Variants in PCDHA2 observed in about 807,000 individuals in gnomAD.
PCDHA2 encodes protocadherin alpha 2.
PCDHA2 carries 58 observed loss-of-function variants against 66.0 expected under a neutral mutation model. That is an observed-to-expected ratio of 0.88 (90% CI 0.71 to 1.09). The LOEUF (loss-of-function observed/expected upper bound fraction) is 1.09, where lower values mean the gene tolerates loss of function less well. Ranked by LOEUF, PCDHA2 falls within the 50% of genes least tolerant of loss-of-function variation. The pLI is 0.00. For missense variants in PCDHA2, 1,267 were observed against 1,242.3 expected, an observed-to-expected ratio of 1.02 and a Z score of -0.30; for synonymous variants, 634 against 554.0, an observed-to-expected ratio of 1.14 and a Z score of -2.03.
intron 1 of PCDHA2, chr5:140,863,494 C>A (rs1203332871): frequency 2.3e-5 from 10 of 442,506 alleles, no homozygotes; most frequent in African/African-American, 1.6e-4. Context: ...GTCAACATTA[C>A]GGCTTTTAGT....
chr5:140,969,283 T>A, intron 1 of PCDHA2: 61 of 1,614,200 alleles, frequency 3.8e-5, no homozygotes, highest in Non-Finnish European at 5.2e-5. Flanking sequence ...GTGGTCAGAA[T>A]GCTGGGAACC....
rs782513202 is a variant in PCDHA2, at chr5:140,796,210, G to T, written c.1246G>T (p.Glu416Ter). The T allele has an allele frequency of 3.7e-6, 6 of 1,614,190 alleles. No homozygotes were observed. The highest frequency in any genetic ancestry group is 5.1e-6 in the Non-Finnish European group (6 of 1,180,046). ...SLVLDSALDR[E>*]SVSAYELVVT... ...GGTGCTGGACAGCGCCCTGGACCGC[G>T]AGAGCGTGTCAGCCTATGAGCTGGT... is the stretch of plus-strand genomic sequence containing the variant. Residue 416 changes from glutamate to a stop codon, truncating the protein, a stop_gained, in exon 1 of 4, where the codon GAG becomes TAG. Coordinates refer to ENST00000526136, the MANE Select transcript of PCDHA2 (RefSeq NM_018905.3). LOFTEE classifies it high-confidence loss of function.
At chr5:140,880,748 G>T (rs950550579) in intron 1 of PCDHA2, among the ~76,000 whole-genome samples, 10 of 152,220 alleles carry the variant, frequency 6.6e-5, no homozygotes, top group Non-Finnish European at 1.2e-4. Flanking sequence ...GATTGTCAGT[G>T]TAACTGCGTG....
At chr5:140,840,242 T>C (rs113669357) in intron 1 of PCDHA2, among the ~76,000 whole-genome samples, 1 of 152,052 alleles carries the variant, frequency 6.6e-6, no homozygotes, top group Non-Finnish European at 1.5e-5. Flanking sequence ...AGAATCACTA[T>C]GCTATAAAAA....
intron 1 of PCDHA2, among the ~76,000 whole-genome samples, chr5:140,910,829 C>G (rs938702955): frequency 6.6e-6 from 1 of 152,184 alleles, no homozygotes; most frequent in Non-Finnish European, 1.5e-5. Flanking sequence ...TAAATTCAGC[C>G]TGATCCAATG....
At chr5:140,850,528 C>T (rs1228882569) in intron 1 of PCDHA2, 1 of 1,598,306 alleles carries the variant, frequency 6.3e-7, no homozygotes, top group African/African-American at 1.3e-5. Context: ...GCGCCAAAGT[C>T]ATCGTCGCGG....
chr5:140,836,726 C>T (rs1326875671), intron 1 of PCDHA2: 9 of 1,610,652 alleles, frequency 5.6e-6, no homozygotes, highest in African/African-American at 2.7e-5. Flanking sequence ...AGGGTCCATC[C>T]TCTACAGACA....
At chr5:140,847,142 A>C (rs1780872222) in intron 1 of PCDHA2, among the ~76,000 whole-genome samples, 1 of 149,820 alleles carries the variant, frequency 6.7e-6, no homozygotes, top group South Asian at 2.1e-4. Flanking sequence ...CAATGTAAGA[A>C]GATCTCTTGA....
intron 1 of PCDHA2, among the ~76,000 whole-genome samples, chr5:140,915,921 T>C (rs2077370703): frequency 6.6e-6 from 1 of 152,286 alleles, no homozygotes; most frequent in African/African-American, 2.4e-5. Context: ...GAGATGCTAC[T>C]TGGGAGTCAG....
chr5:140,848,406 G>C, intron 1 of PCDHA2: 2 of 1,338,990 alleles, frequency 1.5e-6, no homozygotes, highest in Admixed American at 4.3e-5. Context: ...GAACGATGGC[G>C]AACACAGCAG....
In PCDHA2 at chr5:140,808,691, C is replaced by T. The variant is rs140993559; in HGVS notation, c.2388+11339C>T. On this transcript the variant is annotated intron_variant, in intron 1 of 3. Transcript: ENST00000526136. Reference sequence around the variant, plus strand: ...GCTGGTAGAGCGGCGGGTAGGGGAGCGCGCGCTGTCGAGCTACGTTTCGGT... The same window carrying T: ...GCTGGTAGAGCGGCGGGTAGGGGAGTGCGCGCTGTCGAGCTACGTTTCGGT... 8.2e-5 allele frequency: 132 copies of T among 1,611,952 alleles called. No homozygotes were observed. The highest frequency in any genetic ancestry group is 8.0e-4 in the African/African-American group (60 of 74,870).
chr5:140,927,972 T>C, intron 1 of PCDHA2: 1 of 1,614,190 alleles, frequency 6.2e-7, no homozygotes, highest in Non-Finnish European at 8.5e-7. Context: ...CAGTGATTGC[T>C]CTCTTTAGTG....
At chr5:140,967,876 G>C (rs369514758) in intron 1 of PCDHA2, 1 of 1,614,144 alleles carries the variant, frequency 6.2e-7, no homozygotes, top group Non-Finnish European at 8.5e-7. Flanking sequence ...TCACGGACCT[G>C]TATAGCCCAG....
intron 1 of PCDHA2, among the ~76,000 whole-genome samples, chr5:140,906,677 A>C (rs1239152358): frequency 6.6e-6 from 1 of 152,134 alleles, no homozygotes; most frequent in Admixed American, 6.5e-5. Context: ...CCAAACCTTC[A>C]TTCCTGAAGG....
At chr5:140,880,822 A>G (rs893258483) in intron 1 of PCDHA2, among the ~76,000 whole-genome samples, 1 of 152,206 alleles carries the variant, frequency 6.6e-6, no homozygotes, top group Non-Finnish European at 1.5e-5. Context: ...GAGTGTCTGG[A>G]AGGGCATATT....
rs79307553 is a variant in PCDHA2, at chr5:140,974,500, T to G, written c.2389-4449T>G. ...ACCCAGAATTCTCAAATGTATTACC[T>G]TTGTGTTTTATTTTATTTTAGTTTT... is the stretch of plus-strand genomic sequence containing the variant. On this transcript the variant is annotated intron_variant, in intron 1 of 3. Transcript: ENST00000526136. 8.7e-3 allele frequency among the ~76,000 whole-genome samples: 1,326 copies of G among 152,308 alleles called. 23 individuals carry two copies. Among genetic ancestry groups the G allele is most frequent in the African/African-American group, 0.03 (1,239 of 41,564 alleles).
At chr5:140,911,271 C>G (rs2075400243) in intron 1 of PCDHA2, among the ~76,000 whole-genome samples, 1 of 152,072 alleles carries the variant, frequency 6.6e-6, no homozygotes, top group Non-Finnish European at 1.5e-5. Flanking sequence ...TCTCAGTGTC[C>G]CCAGCTTCAT....
intron 1 of PCDHA2, chr5:140,803,859 T>A: frequency 1.7e-6 from 1 of 578,220 alleles, no homozygotes. Context: ...AATGCCTGGG[T>A]ATAAGACAAA....
chr5:140,822,864 A>G, intron 1 of PCDHA2: 1 of 1,614,160 alleles, frequency 6.2e-7, no homozygotes, highest in Non-Finnish European at 8.5e-7. Flanking sequence ...AGGACGCTCC[A>G]CTCAGCACGG....
Sources: gnomAD v4.1 joint callset for allele counts (sites outside exome capture counted in the v4.1 genomes callset) on GRCh38, gnomAD v4.1.1 for gene constraint, MANE v1.5 for transcripts, NCBI Gene and HGNC (gene_info 2026-07-23, HGNC 2026-07-21) for gene names.